The following DAP3 variants were observed in gnomAD, a reference collection of about 807,000 sequenced individuals.
The protein encoded by DAP3 is small ribosomal subunit protein mS29.
A neutral mutation model predicts 51.9 loss-of-function variants in DAP3; 28 were observed. The observed-to-expected ratio is 0.54, with a 90% CI of 0.40 to 0.74. The LOEUF (loss-of-function observed/expected upper bound fraction) is 0.74, where lower values mean the gene tolerates loss of function less well. DAP3 is among the 30% of genes least tolerant of loss of function. The probability of loss-of-function intolerance (pLI) is 0.00; values close to 1 mark genes in which losing one functional copy is unlikely to be tolerated. For synonymous variants in DAP3, 170 were observed against 170.3 expected, an observed-to-expected ratio of 1.00 and a Z score of 0.01; for missense variants, 458 against 483.5, an observed-to-expected ratio of 0.95 and a Z score of 0.49.
rs535247149 is a variant in DAP3 at position 155,738,507 on chromosome 1, A to G, written c.*265A>G. 2.6e-6 allele frequency: 1 copy of G among 390,258 alleles called. No individual in the cohort carries two copies. The highest frequency in any genetic ancestry group is 2.0e-5 in the African/African-American group (1 of 48,884). The allele number at this position is 390,258 out of a possible 1,614,324, so 24.2% of individuals were successfully genotyped here. A position where few individuals can be genotyped will look rare whatever the true frequency, so the allele number is the denominator to read the frequency against. On this transcript the variant is annotated 3_prime_UTR_variant, in exon 13 of 13. Coordinates refer to ENST00000368336, the MANE Select transcript of DAP3 (RefSeq NM_004632.4). ...TTAAGATAATTATGGCTCTTTTCCT[A>G]AAAAATAAAATATCTTTCTAAAGTG...
At chr1:155,711,715 A>G (rs1656744405) in intron 2 of DAP3, among the ~76,000 whole-genome samples, 1 of 151,638 alleles carries the variant, frequency 6.6e-6, no homozygotes, top group African/African-American at 2.4e-5. Context: ...CCATCTGGCG[A>G]AGTCCCACAG....
At position 155,718,743 on chromosome 1, in the gene DAP3, G is replaced by GAT. The variant is rs774976251; in HGVS notation, c.168+1617_168+1618dup. ...AGATAGATAGATAGATAGATAGATAGATAGATATAGATATAGATGAAGATA... is the reference window on the plus strand; with the variant it reads ...AGATAGATAGATAGATAGATAGATAGATATAGATATAGATATAGATGAAGATA... On this transcript the variant is annotated intron_variant, in intron 3 of 12. Transcript: ENST00000368336. Among the ~76,000 whole-genome samples, 3 of 139,124 alleles carry GAT rather than the reference G, an allele frequency of 2.2e-5. No individual in the cohort carries two copies. The South Asian group carries it at 6.6e-4, about 31-fold the overall frequency. 91.3% of individuals were successfully genotyped at this position (139,124 alleles called of 152,430 possible).
intron 11 of DAP3, among the ~76,000 whole-genome samples, chr1:155,734,934 G>C (rs556079299): frequency 9.9e-5 from 15 of 152,092 alleles, no homozygotes; most frequent in African/African-American, 3.6e-4. Flanking sequence ...TTACTTATTA[G>C]CTCAATACTA....
At chr1:155,689,025 C>T (rs759672644), upstream of DAP3, 3 of 1,582,692 alleles carry the variant, frequency 1.9e-6, no homozygotes, top group Non-Finnish European at 8.6e-7. Context: ...CTCTGCCGGC[C>T]GGTGGTTGGA....
chr1:155,729,084 A>G lies in DAP3; in HGVS notation c.646A>G (p.Thr216Ala). 3 of 1,614,172 alleles carry G rather than the reference A, an allele frequency of 1.9e-6. No individual in the cohort carries two copies. The highest frequency in any genetic ancestry group is 2.5e-6 in the Non-Finnish European group (3 of 1,180,032). Residue 216 changes from threonine to alanine, a missense_variant, in exon 8 of 13, where the codon ACT (threonine) becomes GCT (alanine). Coordinates refer to ENST00000368336, the MANE Select transcript of DAP3 (RefSeq NM_004632.4). ...EKYVWNKRESTEKGSPLGEVV... is the reference protein window; with the variant it reads ...EKYVWNKRESAEKGSPLGEVV... ...GTATGTCTGGAATAAGAGAGAAAGC[A>G]CTGAGAAAGGGAGTCCTCTGGGAGA...
chr1:155,704,585 T>C (rs2457958), intron 1 of DAP3, among the ~76,000 whole-genome samples: 12 of 152,134 alleles, frequency 7.9e-5, no homozygotes, highest in South Asian at 6.2e-4. Flanking sequence ...GTAGAGACCA[T>C]CCCAGTCTTA....
chr1:155,689,907 TCACA>T (rs3041216), intron 1 of DAP3, among the ~76,000 whole-genome samples: 6 of 142,232 alleles, frequency 4.2e-5, no homozygotes, highest in Admixed American at 6.7e-5. Context: ...CGAGACTCCG[TCACA>T]CACACACACA....
At chr1:155,710,099 A>G in intron 2 of DAP3, 1 of 314,012 alleles carries the variant, frequency 3.2e-6, no homozygotes, top group Non-Finnish European at 5.7e-6. Flanking sequence ...GAAGTATTTA[A>G]AAGAAAAACA....
intron 3 of DAP3, among the ~76,000 whole-genome samples, chr1:155,719,872 A>G (rs1657781828): frequency 6.6e-6 from 1 of 151,844 alleles, no homozygotes; most frequent in African/African-American, 2.4e-5. Context: ...AGCAGTGCAT[A>G]GTGGCATGCG....
At chr1:155,701,019 C>A (rs1443716428) in intron 1 of DAP3, among the ~76,000 whole-genome samples, 2 of 126,318 alleles carry the variant, frequency 1.6e-5, no homozygotes, top group East Asian at 2.4e-4. Context: ...GTCAGCCCCC[C>A]GCCCGGCCAG....
intron 3 of DAP3, among the ~76,000 whole-genome samples, chr1:155,720,457 T>C (rs1657861768): frequency 6.9e-6 from 1 of 145,746 alleles, no homozygotes; most frequent in South Asian, 2.4e-4. Context: ...AGCCTGTCTC[T>C]ACTAAACATG....
intron 2 of DAP3, among the ~76,000 whole-genome samples, chr1:155,711,347 G>T (rs1481174265): frequency 2.6e-5 from 4 of 152,238 alleles, no homozygotes; most frequent in African/African-American, 9.6e-5. Context: ...ACAAAAATTA[G>T]CTGCGTGTGG....
chr1:155,689,395 T>A, intron 1 of DAP3: 2 of 487,648 alleles, frequency 4.1e-6, no homozygotes, highest in African/African-American at 1.9e-5. Flanking sequence ...CACACCACTG[T>A]CCATATGCGA....
At position 155,736,943 on chromosome 1, in the gene DAP3, C is replaced by G. The variant is rs1264314036; in HGVS notation, c.994-3C>G. 1 of 1,607,418 alleles carries G rather than the reference C, an allele frequency of 6.2e-7. No homozygotes were observed. The highest frequency in any genetic ancestry group is 8.5e-7 in the Non-Finnish European group (1 of 1,174,272). On this transcript the variant is annotated splice_polypyrimidine_tract_variant and splice_region_variant and intron_variant, in intron 11 of 12. Transcript: ENST00000368336. ...ATGTTTCCTGATCCTTTTTCTTCCCCAGGAAGGATTTGATGCCCTGGATCC... is the reference window on the plus strand; with the variant it reads ...ATGTTTCCTGATCCTTTTTCTTCCCGAGGAAGGATTTGATGCCCTGGATCC...
At chr1:155,726,329 C>A (rs1658591411) in intron 6 of DAP3, 1 of 171,636 alleles carries the variant, frequency 5.8e-6, no homozygotes, top group Non-Finnish European at 1.2e-5. Context: ...TGCTCTGTCG[C>A]CCAGGCTGGA....
intron 1 of DAP3, among the ~76,000 whole-genome samples, chr1:155,707,838 C>T (rs140814578): frequency 6.6e-5 from 10 of 152,210 alleles, no homozygotes; most frequent in East Asian, 3.9e-4. Context: ...GATGTAATAG[C>T]GTTCACTCAG....
chr1:155,708,006 A>T (rs749603331), intron 1 of DAP3, among the ~76,000 whole-genome samples: 1 of 150,514 alleles, frequency 6.6e-6, no homozygotes, highest in Non-Finnish European at 1.5e-5. Context: ...GCTAGTATGA[A>T]CCTCCTTATA....
rs1309944383 is a variant in DAP3 at position 155,694,575 on chromosome 1, T to A, written c.-8+5401T>A. ...CAAGTTGGTGGGCTCGCTTGATGGG[T>A]TTTGTTGGTCTTCATCTGGTTGGCT... On this transcript the variant is annotated intron_variant, in intron 1 of 12. Transcript: ENST00000368336. Among the ~76,000 whole-genome samples, 2 of 128,146 alleles carry A rather than the reference T, an allele frequency of 1.6e-5. 1 individual carries two copies. The highest frequency in any genetic ancestry group is 1.1e-4 in the African/African-American group (2 of 18,724). 84.1% of individuals were successfully genotyped at this position (128,146 alleles called of 152,430 possible). A position where few individuals can be genotyped will look rare whatever the true frequency, so the allele number is the denominator to read the frequency against.
intron 1 of DAP3, among the ~76,000 whole-genome samples, chr1:155,697,777 T>C (rs1323551646): frequency 2.0e-5 from 3 of 152,148 alleles, no homozygotes; most frequent in Non-Finnish European, 4.4e-5. Context: ...AGACAACCGA[T>C]CTGACTAGAA....
Sources: allele counts gnomAD v4.1 joint callset (sites outside exome capture counted in the v4.1 genomes callset), GRCh38; gene constraint gnomAD v4.1.1; transcripts MANE v1.5; gene names NCBI Gene and HGNC (gene_info 2026-07-23, HGNC 2026-07-21).